The following UPF3B variants were observed in gnomAD, a reference collection of about 807,000 sequenced individuals.
UPF3B encodes UPF3B regulator of nonsense mediated mRNA decay.
Under a neutral mutation model 40.3 loss-of-function variants are expected in UPF3B, and 7 were observed. The observed-to-expected ratio is 0.17, with a 90% CI of 0.10 to 0.33. UPF3B has a LOEUF of 0.33. UPF3B is among the 10% of genes least tolerant of loss of function. The pLI is 1.00. For missense variants in UPF3B, 229 were observed against 358.9 expected, an observed-to-expected ratio of 0.64 and a Z score of 2.93; for synonymous variants, 117 against 117.3, an observed-to-expected ratio of 1.00 and a Z score of 0.01.
exon 5 of UPF3B, chrX:119,815,295 T>C (rs2055855802): frequency 1.3e-6 from 1 of 778,804 alleles, no homozygotes; most frequent in Admixed American, 6.4e-5. Context: ...TAACGCTGCA[T>C]CCCTGGATGA....
intron 4 of UPF3B, among the ~76,000 whole-genome samples, chrX:119,817,517 G>T (rs1456830963): frequency 8.9e-6 from 1 of 112,052 alleles, no homozygotes; most frequent in African/African-American, 3.2e-5. Flanking sequence ...GACACATGAG[G>T]ATTACAGTTT....
At chrX:119,819,842 C>CTTTTTTTT (rs34094727) in intron 4 of UPF3B, among the ~76,000 whole-genome samples, 2 of 68,642 alleles carry the variant, frequency 2.9e-5, no homozygotes, top group Non-Finnish European at 5.5e-5. Flanking sequence ...TCTATTTTTC[C>CTTTTTTTT]TTTTTTTTTT....
intron 10 of UPF3B, 51 bp downstream of exon 10, chrX:119,837,706 G>A (rs1459668492): frequency 2.6e-6 from 3 of 1,165,318 alleles, no homozygotes; most frequent in Non-Finnish European, 3.5e-6. Flanking sequence ...CTTTACACTT[G>A]CAGGAAAAGG....
At chrX:119,840,603 T>C in intron 8 of UPF3B, 43 bp downstream of exon 8, 1 of 1,159,509 alleles carries the variant, frequency 8.6e-7, no homozygotes. Flanking sequence ...CCTGTGTGTG[T>C]GACATGATAC....
At chrX:119,813,313 G>A (rs1003292546) in intron 5 of UPF3B, among the ~76,000 whole-genome samples, 5 of 110,390 alleles carry the variant, frequency 4.5e-5, no homozygotes, top group African/African-American at 6.6e-5. Context: ...GTTATGGGGC[G>A]GATCCCTCAT....
chrX:119,843,923 C>T (rs1294102933), intron 4 of UPF3B, among the ~76,000 whole-genome samples: 2 of 112,185 alleles, frequency 1.8e-5, no homozygotes, highest in Non-Finnish European at 3.8e-5. Flanking sequence ...AAATATGGTC[C>T]TAGTCCTTAT....
chrX:119,820,931 C>T (rs948688693), intron 4 of UPF3B, among the ~76,000 whole-genome samples: 15 of 111,788 alleles, frequency 1.3e-4, no homozygotes, highest in Non-Finnish European at 2.6e-4. Flanking sequence ...CAGGCAAAAG[C>T]TCAAGGATGT....
chrX:119,827,814 C>A (rs1406099273), intron 3 of UPF3B, among the ~76,000 whole-genome samples: 4 of 110,497 alleles, frequency 3.6e-5, no homozygotes, highest in Non-Finnish European at 7.6e-5. Context: ...CTCACTGCAA[C>A]CTTTGCCTCC....
intron 5 of UPF3B, among the ~76,000 whole-genome samples, chrX:119,842,580 T>TCTCACACACACACACACACACACACACA (rs1556379941): frequency 1.4e-5 from 1 of 71,459 alleles, no homozygotes; most frequent in African/African-American, 6.1e-5. Flanking sequence ...ACTCCATCTC[T>TCTCACACACACACACACACACACACACA]CACACACACA....
intron 10 of UPF3B, among the ~76,000 whole-genome samples, chrX:119,836,651 G>C (rs754182761): frequency 9.5e-6 from 1 of 105,529 alleles, no homozygotes; most frequent in African/African-American, 3.6e-5. Flanking sequence ...CATACTATTC[G>C]ATTTTTTTTT....
At position 119,834,743 on chromosome X, in the gene UPF3B, C is replaced by A; in HGVS notation, c.*135G>T. On this transcript the variant is annotated 3_prime_UTR_variant, in exon 11 of 11. Transcript: ENST00000276201. ...GATTCCTGCTTTGACACAAGACTTA[C>A]TCCTCTGCAGTGTACCCCACCAGCA... The A allele has an allele frequency of 8.5e-7, 1 of 1,182,795 alleles. No individual in the cohort carries two copies. Among genetic ancestry groups the A allele is most frequent in the Non-Finnish European group, 1.1e-6 (1 of 883,587 alleles).
intron 5 of UPF3B, among the ~76,000 whole-genome samples, chrX:119,809,261 A>T (rs1366045941): frequency 1.8e-5 from 2 of 111,597 alleles, no homozygotes; most frequent in African/African-American, 6.5e-5. Flanking sequence ...CCAGCCTCCT[A>T]ATCCAATCAC....
chrX:119,841,230 CTTTCTTCTCTCT>C lies in UPF3B; in HGVS notation c.641_652del (p.Lys214_Glu217del), dbSNP rs2147787367. On this transcript the variant is annotated inframe_deletion, in exon 7 of 11. Transcript: ENST00000276201. ...TTTTCTTTCTATTTCTCTCCTCCTC[CTTTCTTCTCTCT>C]TTTCTTCTCTCATTCTCTAGAAAGA... 2 of 1,191,022 alleles carry C rather than the reference CTTTCTTCTCTCT, an allele frequency of 1.7e-6. No homozygotes were observed. The highest frequency in any genetic ancestry group is 1.1e-6 in the Non-Finnish European group (1 of 880,277).
intron 3 of UPF3B, among the ~76,000 whole-genome samples, chrX:119,824,703 C>A (rs933971286): frequency 9.1e-6 from 1 of 109,912 alleles, no homozygotes; most frequent in African/African-American, 3.3e-5. Context: ...TCTAAACATA[C>A]TTTCTTATAT....
intron 5 of UPF3B, among the ~76,000 whole-genome samples, chrX:119,812,369 T>C (rs1462537416): frequency 1.8e-5 from 2 of 111,765 alleles, no homozygotes; most frequent in East Asian, 5.6e-4. Context: ...GAACTAAGGG[T>C]CCAGAAACTT....
At chrX:119,817,244 G>A (rs1174689481) in intron 4 of UPF3B, among the ~76,000 whole-genome samples, 1 of 112,133 alleles carries the variant, frequency 8.9e-6, no homozygotes, top group Non-Finnish European at 1.9e-5. Context: ...TGGGATTACA[G>A]GGGTGAGCCA....
chrX:119,819,531 G>A (rs1439872158), intron 4 of UPF3B, among the ~76,000 whole-genome samples: 3 of 111,388 alleles, frequency 2.7e-5, no homozygotes, highest in East Asian at 2.8e-4. Flanking sequence ...CCTTACAGTC[G>A]GGATTTAGCT....
In UPF3B at chrX:119,852,821, C is replaced by T. The variant is rs756792904; in HGVS notation, c.108G>A (p.Gly36=). 7 of 1,211,382 alleles carry T rather than the reference C, an allele frequency of 5.8e-6. No individual in the cohort carries two copies. Among genetic ancestry groups the T allele is most frequent in the Non-Finnish European group, 7.8e-6 (7 of 895,543 alleles). Residue 36 remains glycine, a synonymous_variant, in exon 1 of 11, where the codon GGG becomes GGA. Coordinates refer to ENST00000276201, the MANE Select transcript of UPF3B (RefSeq NM_080632.3). The stretch of plus-strand genomic sequence containing the variant: ...CCTTGTTGCGATCCTGCTTATCTTC[C>T]CCCTTGGAGCTGTCCCCCGAGGTCC... ...GGGTSGDSSK[G]EDKQDRNKEK...
intron 4 of UPF3B, 64 bp downstream of exon 4, chrX:119,845,134 C>G: frequency 1.0e-6 from 1 of 968,846 alleles, no homozygotes; most frequent in Non-Finnish European, 1.5e-6. Context: ...AATTAACTCT[C>G]ACAAAGATAT....
Sources: gnomAD v4.1 joint callset for allele counts (sites outside exome capture counted in the v4.1 genomes callset) on GRCh38, gnomAD v4.1.1 for gene constraint, MANE v1.5 for transcripts, NCBI Gene and HGNC (gene_info 2026-07-23, HGNC 2026-07-21) for gene names.